The following ADGRD1 variants were observed in gnomAD, a reference collection of about 807,000 sequenced individuals.
ADGRD1 encodes G-protein coupled receptor 133.
Under a neutral mutation model 113.4 loss-of-function variants are expected in ADGRD1, and 77 were observed. The ratio of observed to expected loss-of-function variants is 0.68; its 90% confidence interval spans 0.57 to 0.82. ADGRD1 has a LOEUF of 0.82. ADGRD1 is among the 40% of genes least tolerant of loss of function. The pLI is 0.00. For synonymous variants in ADGRD1, 474 were observed against 475.0 expected (o/e 1.00, Z 0.03); for missense variants, 1,036 against 1,139.1 (o/e 0.91, Z 1.30).
At chr12:131,053,318 C>A (rs1042324636) in intron 13 of ADGRD1, among the ~76,000 whole-genome samples, 5 of 152,246 alleles carry the variant, frequency 3.3e-5, no homozygotes, top group African/African-American at 1.2e-4. Flanking sequence ...TCTTCACGTG[C>A]ATGTGCTGTG....
rs149369161 is a variant in ADGRD1, at chr12:131,138,108, G to A, written c.2437-29G>A. On this transcript the variant is annotated intron_variant, in intron 23 of 24. Transcript: ENST00000261654. ...TACGGCTGTTGCAGCCTCTGAAATT[G>A]CTCTCACGATCCCTTCCCCGCTTTC... 2,207 of 1,591,368 alleles carry A rather than the reference G, an allele frequency of 1.4e-3. 25 individuals carry two copies. The African/African-American group carries it at 0.02, about 15-fold the overall frequency.
intron 2 of ADGRD1, among the ~76,000 whole-genome samples, chr12:130,955,831 G>T (rs745344967): frequency 6.6e-6 from 1 of 152,106 alleles, no homozygotes; most frequent in Non-Finnish European, 1.5e-5. Flanking sequence ...CACCCAGGCT[G>T]GAGTTGAGTG....
In ADGRD1 at chr12:131,125,613, T is replaced by C. The variant is rs140383600; in HGVS notation, c.2175+4700T>C. Among the ~76,000 whole-genome samples the C allele has an allele frequency of 6.6e-5, 10 of 152,250 alleles. No individual in the cohort carries two copies. In the East Asian group the frequency reaches 1.7e-3, roughly 26 times the overall value. On this transcript the variant is annotated intron_variant, in intron 20 of 24. Transcript: ENST00000261654. Reference sequence around the variant, plus strand: ...ATGGATACAGATACAAATACAGAGATAGATACAGATGCATTGCTATAGATG... The same window carrying C: ...ATGGATACAGATACAAATACAGAGACAGATACAGATGCATTGCTATAGATG...
intron 13 of ADGRD1, among the ~76,000 whole-genome samples, chr12:131,059,432 C>T (rs902974344): frequency 3.3e-5 from 5 of 152,284 alleles, no homozygotes; most frequent in East Asian, 3.9e-4. Flanking sequence ...CTGCCCCCCT[C>T]GGCCTCCCAA....
In ADGRD1 at chr12:130,966,579, C is replaced by G. The variant is rs375329543; in HGVS notation, c.187+33C>G. 7.3e-7 allele frequency: 1 copy of G among 1,369,932 alleles called. No individual in the cohort carries two copies. Among genetic ancestry groups the G allele is most frequent in the Non-Finnish European group, 1.0e-6 (1 of 957,672 alleles). The allele number at this position is 1,369,932 out of a possible 1,614,324, so 84.9% of individuals were successfully genotyped here. Reference sequence around the variant, plus strand: ...CGCGGGTGCTGAGAGCGGCTGTGGGCGCGGGAATCCCAGGGCCATCAGGAG... The same window carrying G: ...CGCGGGTGCTGAGAGCGGCTGTGGGGGCGGGAATCCCAGGGCCATCAGGAG... On this transcript the variant is annotated intron_variant, in intron 3 of 24. Coordinates refer to ENST00000261654, the MANE Select transcript of ADGRD1 (RefSeq NM_198827.5). The surrounding 1 kb of genome is among the most constrained non-coding windows in gnomAD (Gnocchi z 4.6).
chr12:131,014,071 A>G, intron 12 of ADGRD1, 128 bp from the exon 13 acceptor site: 2 of 920,084 alleles, frequency 2.2e-6, no homozygotes, highest in Non-Finnish European at 3.2e-6. Flanking sequence ...GAAAGAAATC[A>G]AAGCTTCATC....
At chr12:131,049,690 C>T (rs1032484521) in intron 13 of ADGRD1, among the ~76,000 whole-genome samples, 3 of 152,132 alleles carry the variant, frequency 2.0e-5, no homozygotes, top group African/African-American at 7.2e-5. Context: ...GTGCTGCCGT[C>T]TGGGGTGCGA....
chr12:131,078,896 A>G (rs1885852877), intron 14 of ADGRD1, among the ~76,000 whole-genome samples: 1 of 152,088 alleles, frequency 6.6e-6, no homozygotes, highest in African/African-American at 2.4e-5. Context: ...CTTGTAGATG[A>G]TTGTACAGTT....
intron 20 of ADGRD1, among the ~76,000 whole-genome samples, chr12:131,126,355 C>G (rs968867844): frequency 6.6e-6 from 1 of 152,166 alleles, no homozygotes; most frequent in Admixed American, 6.5e-5. Flanking sequence ...TTACCAGATG[C>G]AGGCCCCTCA....
intron 18 of ADGRD1, among the ~76,000 whole-genome samples, chr12:131,112,253 C>T (rs565196832): frequency 1.3e-5 from 2 of 152,276 alleles, no homozygotes; most frequent in East Asian, 3.9e-4. Context: ...CTCTCTCTGT[C>T]TCTTTCCATG....
Position 131,027,410 on chromosome 12 carries a change from T to G in ADGRD1, c.1473+13070T>G, listed in dbSNP as rs1880089308. Reference sequence around the variant, plus strand: ...ATGTCTATATTTCCGTGCCAGTAGCTCAGACTGTATCATCATTCTCACGGC... The same window carrying G: ...ATGTCTATATTTCCGTGCCAGTAGCGCAGACTGTATCATCATTCTCACGGC... On this transcript the variant is annotated intron_variant, in intron 13 of 24. Coordinates refer to ENST00000261654, the MANE Select transcript of ADGRD1 (RefSeq NM_198827.5). The surrounding 1 kb of genome is among the most constrained non-coding windows in gnomAD (Gnocchi z 5.1). The G allele has an allele frequency of 6.6e-6, 1 of 152,198 alleles. No homozygotes were observed. Among genetic ancestry groups the G allele is most frequent in the South Asian group, 2.1e-4 (1 of 4,828 alleles). 9.4% of individuals were successfully genotyped at this position (152,198 alleles called of 1,614,324 possible). A position where few individuals can be genotyped will look rare whatever the true frequency, so the allele number is the denominator to read the frequency against.
At chr12:131,080,175 A>G (rs1272581814) in intron 14 of ADGRD1, among the ~76,000 whole-genome samples, 1 of 152,158 alleles carries the variant, frequency 6.6e-6, no homozygotes, top group Non-Finnish European at 1.5e-5. Context: ...TTTTATTTTG[A>G]TTAAATTTAA....
At chr12:131,130,557 G>A (rs150819033) in intron 20 of ADGRD1, among the ~76,000 whole-genome samples, 1 of 152,222 alleles carries the variant, frequency 6.6e-6, no homozygotes, top group African/African-American at 2.4e-5. Flanking sequence ...CGGGAGCTGC[G>A]CGAGGAGGAA....
chr12:131,139,046 CCTTTCCTCCCGCAGGGAGAATCCT>C, intron 24 of ADGRD1, 98 bp from the exon 25 acceptor site: 1 of 701,426 alleles, frequency 1.4e-6, no homozygotes. Context: ...TCTCTCTGCA[CCTTTCCTCCCGCAGGGAGAATCCT>C]CGGGCAGCTA....
rs1434198788 is a variant in ADGRD1 at position 130,965,711 on chromosome 12, A to G, written c.104-752A>G. On this transcript the variant is annotated intron_variant, in intron 2 of 24. Coordinates refer to ENST00000261654, the MANE Select transcript of ADGRD1 (RefSeq NM_198827.5). This position sits in a 1 kb window ranked among gnomAD's most constrained non-coding sequence, Gnocchi z 4.8. ...AGATAGAAACAAAGAAATAATTCAT[A>G]TAGCATTCAATGAGAAGAGCAGAAT... 1.3e-5 allele frequency among the ~76,000 whole-genome samples: 2 copies of G among 152,258 alleles called. No homozygotes were observed. The highest frequency in any genetic ancestry group is 2.4e-5 in the African/African-American group (1 of 41,468).
In ADGRD1 at chr12:130,969,057, C is replaced by G. The variant is rs781051995; in HGVS notation, c.188-2401C>G. ...TTCCAATGATTCTGCCTACTCAAATCTCTCTGCAACTGTAGGTGAGCATTT... is the reference window on the plus strand; with the variant it reads ...TTCCAATGATTCTGCCTACTCAAATGTCTCTGCAACTGTAGGTGAGCATTT... On this transcript the variant is annotated intron_variant, in intron 3 of 24. Transcript: ENST00000261654. 15 of 1,510,756 alleles carry G rather than the reference C, an allele frequency of 9.9e-6. No individual in the cohort carries two copies. The South Asian group carries it at 1.8e-4, about 18-fold the overall frequency. 93.6% of individuals were successfully genotyped at this position (1,510,756 alleles called of 1,614,324 possible). A position where few individuals can be genotyped will look rare whatever the true frequency, so the allele number is the denominator to read the frequency against.
At chr12:131,094,327 C>G (rs879342805) in intron 15 of ADGRD1, among the ~76,000 whole-genome samples, 6 of 152,154 alleles carry the variant, frequency 3.9e-5, no homozygotes, top group Non-Finnish European at 8.8e-5. Context: ...GGGACTGCAG[C>G]CATCCCAGCA....
At chr12:130,983,601 A>C (rs1873277390) in intron 5 of ADGRD1, among the ~76,000 whole-genome samples, 1 of 152,158 alleles carries the variant, frequency 6.6e-6, no homozygotes, top group Admixed American at 6.5e-5. Flanking sequence ...AGAATTAGAA[A>C]CACTTCTGGC....
In ADGRD1 at chr12:130,954,191, T is replaced by C. The variant is rs1869232789; in HGVS notation, c.-275T>C. The C allele has an allele frequency of 5.3e-6, 2 of 374,738 alleles. No homozygotes were observed. Among genetic ancestry groups the C allele is most frequent in the Admixed American group, 9.0e-5 (2 of 22,192 alleles). The allele number at this position is 374,738 out of a possible 1,614,324, so 23.2% of individuals were successfully genotyped here. ...GGGATTGCTTTCCCAGGACTGCGAG[T>C]CGGGTTTGGGTTTCTCCTCCCTGCA... On this transcript the variant is annotated 5_prime_UTR_variant, in exon 1 of 25. Coordinates refer to ENST00000261654, the MANE Select transcript of ADGRD1 (RefSeq NM_198827.5). This position sits in a 1 kb window ranked among gnomAD's most constrained non-coding sequence, Gnocchi z 4.7.
Sources: allele counts gnomAD v4.1 joint callset (sites outside exome capture counted in the v4.1 genomes callset), GRCh38; gene constraint gnomAD v4.1.1; non-coding constraint Gnocchi (gnomAD v3.1); transcripts MANE v1.5; gene names NCBI Gene and HGNC (gene_info 2026-07-23, HGNC 2026-07-21).